Variants in NCALD observed in about 807,000 individuals in gnomAD.
The protein encoded by NCALD is neurocalcin-delta.
NCALD carries 10 observed loss-of-function variants against 18.6 expected under a neutral mutation model. That is an observed-to-expected ratio of 0.54 (90% CI 0.33 to 0.91). The LOEUF (loss-of-function observed/expected upper bound fraction) is 0.91, where lower values mean the gene tolerates loss of function less well. NCALD is among the 40% of genes least tolerant of loss of function. NCALD has a pLI of 0.03. For synonymous variants in NCALD, 88 were observed against 87.4 expected, an observed-to-expected ratio of 1.01 and a Z score of -0.04; for missense variants, 184 against 247.6, an observed-to-expected ratio of 0.74 and a Z score of 1.72.
chr8:101,977,932 C>G (rs937234169), intron 2 of NCALD, among the ~76,000 whole-genome samples: 11 of 152,132 alleles, frequency 7.2e-5, no homozygotes, highest in Non-Finnish European at 1.0e-4. Flanking sequence ...AGGTAAGTCA[C>G]GGTACATAGA....
intron 3 of NCALD, among the ~76,000 whole-genome samples, chr8:101,887,505 G>A (rs989894339): frequency 3.3e-5 from 5 of 152,226 alleles, no homozygotes; most frequent in South Asian, 4.1e-4. Context: ...CAGATGCTAC[G>A]CAGGCAATTT....
chr8:101,709,493 C>T (rs1379193658), intron 2 of NCALD, among the ~76,000 whole-genome samples: 24 of 152,194 alleles, frequency 1.6e-4, no homozygotes, highest in Non-Finnish European at 2.9e-5. Flanking sequence ...AAAATTTGGC[C>T]TTTCAAGGGT....
intron 4 of NCALD, among the ~76,000 whole-genome samples, chr8:101,835,597 G>A (rs1182010022): frequency 6.6e-6 from 1 of 152,226 alleles, no homozygotes; most frequent in African/African-American, 2.4e-5. Context: ...GAGCCCTGAG[G>A]AATGCTGCAT....
intron 4 of NCALD, among the ~76,000 whole-genome samples, chr8:101,821,248 T>C (rs149825655): frequency 2.0e-5 from 3 of 152,334 alleles, no homozygotes; most frequent in South Asian, 2.1e-4. Context: ...AGTGATCAAA[T>C]TGATTTTTAA....
intron 2 of NCALD, among the ~76,000 whole-genome samples, chr8:101,951,647 C>T (rs1335420801): frequency 1.3e-5 from 2 of 152,174 alleles, no homozygotes; most frequent in East Asian, 3.8e-4. Context: ...TTTTAACATT[C>T]CTCCCAGTGC....
chr8:101,891,947 C>A (rs1365294362), intron 3 of NCALD, among the ~76,000 whole-genome samples: 1 of 152,200 alleles, frequency 6.6e-6, no homozygotes, highest in African/African-American at 2.4e-5. Context: ...GGGGCGCCCG[C>A]AATTGCCCAG....
chr8:101,689,517 G>T lies in NCALD; in HGVS notation c.485-111C>A. 1.3e-6 allele frequency: 1 copy of T among 791,880 alleles called. No individual in the cohort carries two copies. Among genetic ancestry groups the T allele is most frequent in the Non-Finnish European group, 2.1e-6 (1 of 478,600 alleles). The allele number at this position is 791,880 out of a possible 1,614,324, so 49.1% of individuals were successfully genotyped here. A position where few individuals can be genotyped will look rare whatever the true frequency, so the allele number is the denominator to read the frequency against. On this transcript the variant is annotated intron_variant, in intron 3 of 3. Coordinates refer to ENST00000220931, the MANE Select transcript of NCALD (RefSeq NM_032041.3). This position sits in a 1 kb window ranked among gnomAD's most constrained non-coding sequence, Gnocchi z 4.4. ...CGATTCACCTGCCTGCAGCCTCACT[G>T]CCACTGTGACACACAGCACTCACCT...
chr8:101,845,159 G>T (rs929761134), intron 4 of NCALD, among the ~76,000 whole-genome samples: 7 of 152,208 alleles, frequency 4.6e-5, no homozygotes, highest in Non-Finnish European at 1.0e-4. Flanking sequence ...TTTGTTTCTT[G>T]TTGTGCACTA....
At chr8:101,896,727 A>G (rs957562224) in intron 3 of NCALD, among the ~76,000 whole-genome samples, 12 of 141,566 alleles carry the variant, frequency 8.5e-5, no homozygotes, top group African/African-American at 3.5e-4. Context: ...ACGCTTCTCA[A>G]AAGAAGACAT....
intron 3 of NCALD, among the ~76,000 whole-genome samples, chr8:101,893,223 A>G (rs1430306821): frequency 6.6e-6 from 1 of 151,938 alleles, no homozygotes; most frequent in African/African-American, 2.4e-5. Context: ...ATTCTTAAAG[A>G]AAAGAATTGT....
intron 2 of NCALD, among the ~76,000 whole-genome samples, chr8:102,015,970 G>A (rs1001494724): frequency 2.0e-5 from 3 of 152,106 alleles, no homozygotes; most frequent in Non-Finnish European, 4.4e-5. Flanking sequence ...AGACTGGGGA[G>A]TTCTCCTTTT....
At chr8:102,002,786 A>T (rs1821528050) in intron 2 of NCALD, among the ~76,000 whole-genome samples, 1 of 152,242 alleles carries the variant, frequency 6.6e-6, no homozygotes, top group African/African-American at 2.4e-5. Flanking sequence ...TACTGTGTAC[A>T]TAACGAAATA....
chr8:101,700,972 T>A (rs1815237821), intron 2 of NCALD, among the ~76,000 whole-genome samples: 1 of 152,212 alleles, frequency 6.6e-6, no homozygotes, highest in South Asian at 2.1e-4. Flanking sequence ...GGCTCACAGA[T>A]GACTCTTTCG....
intron 1 of NCALD, among the ~76,000 whole-genome samples, chr8:101,782,958 T>C (rs868113471): frequency 8.5e-5 from 13 of 152,264 alleles, no homozygotes; most frequent in Middle Eastern, 3.4e-3. Context: ...GACTGGCTGG[T>C]CCTATATTAC....
chr8:102,036,157 A>AATAAATAAT (rs1187927902), intron 1 of NCALD, among the ~76,000 whole-genome samples: 1 of 151,720 alleles, frequency 6.6e-6, no homozygotes, highest in Non-Finnish European at 1.5e-5. Flanking sequence ...TAATTAATTA[A>AATAAATAAT]TTAAATTAGC....
rs568031853 is a variant in NCALD, at chr8:101,812,129, GT to G, written c.-20+75011del. Reference sequence around the variant, plus strand: ...TTATCTGTGGAAAATGACAACATCGGTTTTCTAAGTAGTTATCAACCAAAGA... The same window carrying G: ...TTATCTGTGGAAAATGACAACATCGGTTTCTAAGTAGTTATCAACCAAAGA... On this transcript the variant is annotated intron_variant, in intron 4 of 6. Coordinates refer to the NCALD transcript ENST00000311028. Among the ~76,000 whole-genome samples the G allele has an allele frequency of 3.9e-5, 6 of 152,226 alleles. No homozygotes were observed. The East Asian group carries it at 1.2e-3, about 29-fold the overall frequency.
intron 2 of NCALD, among the ~76,000 whole-genome samples, chr8:101,996,642 A>G (rs913200816): frequency 6.6e-6 from 1 of 152,234 alleles, no homozygotes; most frequent in African/African-American, 2.4e-5. Context: ...GGTCATCTTG[A>G]CAAGTCAGGG....
chr8:102,027,833 C>T lies in NCALD; in HGVS notation c.-209-7544G>A, dbSNP rs538535298. 2.1e-3 allele frequency among the ~76,000 whole-genome samples: 321 copies of T among 152,260 alleles called. 2 individuals carry two copies. Among genetic ancestry groups the T allele is most frequent in the Non-Finnish European group, 3.2e-3 (217 of 68,024 alleles). ...AAGTGGAAGCAAACACACCCTTCTT[C>T]GCACAGTGGCAGGAAGGGGAAGTAT... On this transcript the variant is annotated intron_variant, in intron 1 of 6. Transcript: ENST00000311028.
intron 1 of NCALD, among the ~76,000 whole-genome samples, chr8:101,778,585 TTGAAA>T (rs1811888535): frequency 6.6e-6 from 1 of 151,870 alleles, no homozygotes; most frequent in Admixed American, 6.6e-5. Flanking sequence ...GTCTGAATAA[TTGAAA>T]TGAAATGACT....
Sources: gnomAD v4.1 joint callset for allele counts (sites outside exome capture counted in the v4.1 genomes callset) on GRCh38, gnomAD v4.1.1 for gene constraint, Gnocchi (gnomAD v3.1) non-coding constraint, MANE v1.5 for transcripts, NCBI Gene and HGNC (gene_info 2026-07-23, HGNC 2026-07-21) for gene names.